The following PRKN variants were observed in gnomAD, a reference collection of about 807,000 sequenced individuals.
PRKN encodes the protein parkin RBR E3 ubiquitin protein ligase, also known as E3 ubiquitin-protein ligase parkin.
In PRKN, 56 loss-of-function variants were observed where a neutral mutation model predicts 59.5. The ratio of observed to expected loss-of-function variants is 0.94; its 90% CI spans 0.76 to 1.18. PRKN has a LOEUF of 1.18. Ranked by LOEUF, PRKN falls within the 50% of genes most tolerant of loss-of-function variation. PRKN has a pLI of 0.00. For synonymous variants in PRKN, 250 were observed against 222.1 expected, an observed-to-expected ratio of 1.13 and a Z score of -1.12; for missense variants, 657 against 596.4, an observed-to-expected ratio of 1.10 and a Z score of -1.06.
intron 2 of PRKN, among the ~76,000 whole-genome samples, chr6:162,305,795 G>C (rs4302649): frequency 0.31 from 46,880 of 151,736 alleles, 10,858 homozygotes; most frequent in African/African-American, 0.63. Context: ...GGAACTATTT[G>C]TAAGTATACT....
At chr6:161,718,739 A>G (rs1787096191) in intron 7 of PRKN, among the ~76,000 whole-genome samples, 1 of 152,168 alleles carries the variant, frequency 6.6e-6, no homozygotes, top group Admixed American at 6.5e-5. Flanking sequence ...TATTGTAAAT[A>G]TCACTCTTTC....
At chr6:162,594,272 T>C (rs565723223) in intron 1 of PRKN, among the ~76,000 whole-genome samples, 1 of 152,330 alleles carries the variant, frequency 6.6e-6, no homozygotes, top group South Asian at 2.1e-4. Flanking sequence ...CAATTAACAG[T>C]ATTTTATCTT....
rs73782949 is a variant in PRKN, at chr6:161,589,296, C to T, written c.872-19880G>A. ...ACCACAGGGTGGGTCACACCTGAGA[C>T]GCCCGTATTTTAATTCCTTTCTCCC... is the stretch of plus-strand genomic sequence containing the variant. On this transcript the variant is annotated intron_variant, in intron 7 of 11. Transcript: ENST00000366898. Among the ~76,000 whole-genome samples, 466 of 152,294 alleles carry T rather than the reference C, an allele frequency of 3.1e-3. 1 individual carries two copies. The highest frequency in any genetic ancestry group is 0.011 in the African/African-American group (438 of 41,572).
intron 2 of PRKN, among the ~76,000 whole-genome samples, chr6:162,436,560 T>C (rs1789782377): frequency 6.6e-6 from 1 of 151,956 alleles, no homozygotes. Flanking sequence ...TCTGCCTGTC[T>C]TGGCCTCCCA....
chr6:161,476,166 G>T (rs900969839), intron 9 of PRKN, among the ~76,000 whole-genome samples: 1 of 149,888 alleles, frequency 6.7e-6, no homozygotes, highest in African/African-American at 2.5e-5. Flanking sequence ...CAACCTGGGC[G>T]ACAGAGTGAG....
intron 2 of PRKN, among the ~76,000 whole-genome samples, chr6:162,441,441 CA>C (rs1476381187): frequency 6.6e-6 from 1 of 152,176 alleles, no homozygotes; most frequent in East Asian, 1.9e-4. Flanking sequence ...CAACTCAATT[CA>C]TCCAAGAAGT....
At position 161,526,033 on chromosome 6, in the gene PRKN, T is replaced by G. The variant is rs1312019942; in HGVS notation, c.1083+22821A>C. ...ATCTGTGTATATAAGCAATTTAGTA[T>G]TGTGTATCTTCTAAAGACCACTGCT... On this transcript the variant is annotated intron_variant, in intron 9 of 11. Transcript: ENST00000366898. This position sits in a 1 kb window ranked among gnomAD's most constrained non-coding sequence, Gnocchi z 4.1. 4.6e-5 allele frequency among the ~76,000 whole-genome samples: 7 copies of G among 152,184 alleles called. No homozygotes were observed. In the East Asian group the frequency reaches 1.2e-3, roughly 25 times the overall value.
intron 9 of PRKN, among the ~76,000 whole-genome samples, chr6:161,543,291 C>G (rs1779682013): frequency 6.6e-6 from 1 of 152,194 alleles, no homozygotes; most frequent in Admixed American, 6.5e-5. Flanking sequence ...TCACCAAAAA[C>G]ATATACACGT....
intron 6 of PRKN, among the ~76,000 whole-genome samples, chr6:161,821,359 T>C (rs1792015930): frequency 6.6e-6 from 1 of 152,158 alleles, no homozygotes; most frequent in East Asian, 1.9e-4. Flanking sequence ...TCCTAGCCCG[T>C]ACATAATCAT....
At chr6:162,100,409 C>T (rs193075305) in intron 4 of PRKN, among the ~76,000 whole-genome samples, 2 of 152,074 alleles carry the variant, frequency 1.3e-5, no homozygotes, top group African/African-American at 4.8e-5. Context: ...CTTTTCTCCA[C>T]GTCCTTGCCA....
intron 4 of PRKN, among the ~76,000 whole-genome samples, chr6:162,138,836 T>C (rs965594219): frequency 6.6e-6 from 1 of 152,082 alleles, no homozygotes; most frequent in African/African-American, 2.4e-5. Context: ...GAGAACCCAT[T>C]CATAACTCAT....
rs369404858 is a variant in PRKN at position 161,497,577 on chromosome 6, T to TCTCTCTCACACACACA, written c.1083+51276_1083+51277insTGTGTGTGTGAGAGAG. Among the ~76,000 whole-genome samples, 16 of 147,388 alleles carry TCTCTCTCACACACACA rather than the reference T, an allele frequency of 1.1e-4. No individual in the cohort carries two copies. The highest frequency in any genetic ancestry group is 3.5e-4 in the African/African-American group (14 of 39,682). On this transcript the variant is annotated intron_variant, in intron 9 of 11. Transcript: ENST00000366898. This position sits in a 1 kb window ranked among gnomAD's most constrained non-coding sequence, Gnocchi z 4.6. ...ATGTCTCTCTCTCTCTCTCTCTCTC[T>TCTCTCTCACACACACA]CACACACACACACACACACACCATA...
At chr6:161,935,082 T>C (rs960875027) in intron 6 of PRKN, among the ~76,000 whole-genome samples, 2 of 145,938 alleles carry the variant, frequency 1.4e-5, no homozygotes, top group Non-Finnish European at 3.0e-5. Flanking sequence ...AGAAATTGTA[T>C]GCTTTATGGA....
intron 7 of PRKN, among the ~76,000 whole-genome samples, chr6:161,732,668 T>C (rs1787772220): frequency 6.6e-6 from 1 of 152,226 alleles, no homozygotes; most frequent in East Asian, 1.9e-4. Context: ...GTTGCTGTGT[T>C]AGTTTGCTTA....
At chr6:162,523,580 A>T (rs1778157000) in intron 1 of PRKN, among the ~76,000 whole-genome samples, 1 of 152,056 alleles carries the variant, frequency 6.6e-6, no homozygotes. Flanking sequence ...CATGAGAATC[A>T]CTTAAACCCA....
intron 2 of PRKN, among the ~76,000 whole-genome samples, chr6:162,373,491 GGATT>G (rs994699067): frequency 2.6e-5 from 4 of 151,950 alleles, no homozygotes; most frequent in South Asian, 2.1e-4. Context: ...CACGGGTAAG[GGATT>G]GATTTTTTTT....
chr6:162,370,425 T>C (rs748300294), intron 2 of PRKN, among the ~76,000 whole-genome samples: 1 of 152,188 alleles, frequency 6.6e-6, no homozygotes, highest in Non-Finnish European at 1.5e-5. Flanking sequence ...TATTCGTCCT[T>C]GTGTCACTAT....
chr6:162,119,220 T>C (rs934226175), intron 4 of PRKN, among the ~76,000 whole-genome samples: 4 of 152,202 alleles, frequency 2.6e-5, no homozygotes, highest in African/African-American at 7.2e-5. Flanking sequence ...ACAGACTTTG[T>C]TCCAAAGCAC....
rs1388986454 is a variant in PRKN, at chr6:161,377,747, C to T, written c.1167+9047G>A. On this transcript the variant is annotated intron_variant, in intron 10 of 11. Transcript: ENST00000366898. The surrounding 1 kb of genome is among the most constrained non-coding windows in gnomAD (Gnocchi z 4.2). ...GCCCTTATAAAGAGAGGGCATTAAC[C>T]AGTCACCTCTCATCCTGTGAGGCCC... 6.6e-6 allele frequency among the ~76,000 whole-genome samples: 1 copy of T among 152,134 alleles called. No individual in the cohort carries two copies. The highest frequency in any genetic ancestry group is 1.5e-5 in the Non-Finnish European group (1 of 68,044).
Sources: gnomAD v4.1 joint callset for allele counts (sites outside exome capture counted in the v4.1 genomes callset) on GRCh38, gnomAD v4.1.1 for gene constraint, Gnocchi (gnomAD v3.1) non-coding constraint, MANE v1.5 for transcripts, NCBI Gene and HGNC (gene_info 2026-07-23, HGNC 2026-07-21) for gene names.